RABEPK: variants seen among roughly 807,000 people sequenced by gnomAD.
RABEPK encodes the protein Rab9 effector protein with kelch motifs, also known as 40 kDa Rab9 effector protein.
RABEPK carries 27 observed loss-of-function variants against 34.1 expected under a neutral mutation model. The ratio of observed to expected loss-of-function variants is 0.79; its 90% CI spans 0.58 to 1.09. The LOEUF (loss-of-function observed/expected upper bound fraction) is 1.09, where lower values mean the gene tolerates loss of function less well. RABEPK is among the 50% of genes least tolerant of loss of function. RABEPK has a pLI of 0.00. For missense variants in RABEPK, 449 were observed against 462.6 expected, an observed-to-expected ratio of 0.97 and a Z score of 0.27; for synonymous variants, 172 against 169.2, an observed-to-expected ratio of 1.02 and a Z score of -0.13.
chr9:125,225,457 G>T (rs190945222), intron 5 of RABEPK, among the ~76,000 whole-genome samples: 12 of 152,034 alleles, frequency 7.9e-5, no homozygotes, highest in Non-Finnish European at 1.2e-4. Flanking sequence ...GCCCAGGGGG[G>T]TGGATCTCTT....
At chr9:125,229,233 G>A (rs1177127342) in intron 6 of RABEPK, among the ~76,000 whole-genome samples, 3 of 150,674 alleles carry the variant, frequency 2.0e-5, no homozygotes, top group Non-Finnish European at 2.9e-5. Flanking sequence ...CATCCTGGGC[G>A]ACACAGCAAG....
At position 125,226,750 on chromosome 9, in the gene RABEPK, G is replaced by C. The variant is rs189106348; in HGVS notation, c.527-1160G>C. On this transcript the variant is annotated intron_variant, in intron 5 of 7. Transcript: ENST00000373538. Reference sequence around the variant, plus strand: ...GTGGTGGCATGTGGCTGTAGTCCCAGCTACTCGGGAGGCTGAGGCAGGAGA... The same window carrying C: ...GTGGTGGCATGTGGCTGTAGTCCCACCTACTCGGGAGGCTGAGGCAGGAGA... Among the ~76,000 whole-genome samples, 896 of 152,072 alleles carry C rather than the reference G, an allele frequency of 5.9e-3. 6 individuals are homozygous for C. Among genetic ancestry groups the C allele is most frequent in the Middle Eastern group, 0.017 (5 of 294 alleles).
At position 125,218,474 on chromosome 9, in the gene RABEPK, G is replaced by C. The variant is rs144313690; in HGVS notation, c.365-2065G>C. Among the ~76,000 whole-genome samples the C allele has an allele frequency of 6.6e-5, 10 of 152,262 alleles. 2 individuals carry two copies. Among genetic ancestry groups the C allele is most frequent in the African/African-American group, 2.4e-4 (10 of 41,570 alleles). ...ATACTTCCGCTCACTTCCCAAGCTT[G>C]AGTGAAGACACCAGGGATGGCAGTG... On this transcript the variant is annotated intron_variant, in intron 4 of 7. Transcript: ENST00000373538.
At chr9:125,205,150 AG>A (rs1169589023) in intron 2 of RABEPK, among the ~76,000 whole-genome samples, 1 of 152,032 alleles carries the variant, frequency 6.6e-6, no homozygotes, top group Non-Finnish European at 1.5e-5. Context: ...CTCATACTTC[AG>A]ATCTCTCTCC....
chr9:125,210,544 C>T (rs1203465891), intron 3 of RABEPK, among the ~76,000 whole-genome samples: 1 of 151,200 alleles, frequency 6.6e-6, no homozygotes, highest in Non-Finnish European at 1.5e-5. Context: ...ATGGTGAAAC[C>T]CTGTCTCTAC....
chr9:125,232,628 G>A lies in RABEPK; in HGVS notation c.709G>A (p.Gly237Arg). The change falls in exon 7 of 8, where the codon GGG (glycine) becomes AGG (arginine). Residue 237 changes from glycine (G) to arginine (R), a missense_variant. Coordinates refer to ENST00000373538, the MANE Select transcript of RABEPK (RefSeq NM_005833.4). ...GAAATGGCAGAAGCTAAATCCCACTGGGGCTGCTCCAGCAGGCTGTGCTGC... is the reference window on the plus strand; with the variant it reads ...GAAATGGCAGAAGCTAAATCCCACTAGGGCTGCTCCAGCAGGCTGTGCTGC... ...DMKWQKLNPT[G>R]AAPAGCAAHS... 6.2e-7 allele frequency: 1 copy of A among 1,613,920 alleles called. No individual in the cohort carries two copies. The highest frequency in any genetic ancestry group is 8.5e-7 in the Non-Finnish European group (1 of 1,179,878).
chr9:125,218,277 G>A (rs537006410), intron 4 of RABEPK, among the ~76,000 whole-genome samples: 18 of 125,352 alleles, frequency 1.4e-4, no homozygotes, highest in African/African-American at 2.7e-4. Context: ...AGCCGAGATC[G>A]CGCCACTGCA....
At chr9:125,204,534 T>A (rs1035782041) in intron 2 of RABEPK, among the ~76,000 whole-genome samples, 4 of 151,662 alleles carry the variant, frequency 2.6e-5, no homozygotes, top group African/African-American at 7.3e-5. Context: ...CAAGCCGAGA[T>A]GGTGCCACTG....
intron 4 of RABEPK, among the ~76,000 whole-genome samples, chr9:125,217,046 G>A (rs1830977603): frequency 6.6e-6 from 1 of 152,112 alleles, no homozygotes; most frequent in South Asian, 2.1e-4. Context: ...AATTTGCTTG[G>A]AGGACTAGCA....
chr9:125,203,847 A>G (rs908518001), intron 2 of RABEPK, among the ~76,000 whole-genome samples: 1 of 151,264 alleles, frequency 6.6e-6, no homozygotes, highest in African/African-American at 2.4e-5. Flanking sequence ...AGCCTGACCA[A>G]TATGGTGAAA....
intron 5 of RABEPK, among the ~76,000 whole-genome samples, chr9:125,222,877 G>A (rs1315986514): frequency 6.6e-6 from 1 of 152,170 alleles, no homozygotes; most frequent in Non-Finnish European, 1.5e-5. Flanking sequence ...TCACTGCATT[G>A]CCAAGGCTGG....
chr9:125,212,816 C>T (rs574027238), intron 3 of RABEPK, among the ~76,000 whole-genome samples: 76 of 151,946 alleles, frequency 5.0e-4, no homozygotes, highest in Non-Finnish European at 8.4e-4. Flanking sequence ...ACTACAGGCA[C>T]GTGCCACTAT....
chr9:125,212,272 G>C (rs1050960296), intron 3 of RABEPK, among the ~76,000 whole-genome samples: 1 of 152,124 alleles, frequency 6.6e-6, no homozygotes, highest in African/African-American at 2.4e-5. Context: ...GTGTCACCCA[G>C]GCTGGAGCGC....
At chr9:125,231,824 G>A (rs10986660) in intron 6 of RABEPK, among the ~76,000 whole-genome samples, 9,576 of 151,764 alleles carry the variant, frequency 0.063, 378 homozygotes, top group East Asian at 0.15. Flanking sequence ...AATTTCATAG[G>A]GCTGTTATGA....
chr9:125,227,852 T>G, intron 5 of RABEPK, 58 bp from the exon 6 acceptor site: 1 of 1,468,718 alleles, frequency 6.8e-7, no homozygotes, highest in African/African-American at 1.4e-5. Context: ...TTGGGCCTGT[T>G]TCTCGTGTTC....
rs181454992 is a variant in RABEPK at position 125,216,999 on chromosome 9, T to G, written c.364+3477T>G. Among the ~76,000 whole-genome samples the G allele has an allele frequency of 1.6e-3, 235 of 148,428 alleles. 3 individuals are homozygous for G. Among genetic ancestry groups the G allele is most frequent in the African/African-American group, 5.6e-3 (227 of 40,250 alleles). On this transcript the variant is annotated intron_variant, in intron 4 of 7. Transcript: ENST00000373538. ...AAAAAAAAAGAAGAAAGTGATAGAG[T>G]AGACACTTGGCAGACCATTTGGCTA...
intron 5 of RABEPK, among the ~76,000 whole-genome samples, chr9:125,227,667 G>T (rs1831857753): frequency 6.6e-6 from 1 of 151,818 alleles, no homozygotes; most frequent in South Asian, 2.1e-4. Flanking sequence ...CTGACCTCAG[G>T]TGATCCACCT....
chr9:125,214,717 A>AT (rs1827134066), intron 4 of RABEPK, among the ~76,000 whole-genome samples: 1 of 150,510 alleles, frequency 6.6e-6, no homozygotes, highest in African/African-American at 2.4e-5. Flanking sequence ...ATTGTAAAAT[A>AT]TTTGAAAAGT....
At chr9:125,218,462 CTT>C (rs933766077) in intron 4 of RABEPK, among the ~76,000 whole-genome samples, 1 of 152,056 alleles carries the variant, frequency 6.6e-6, no homozygotes, top group African/African-American at 2.4e-5. Context: ...CTTCCGCTCA[CTT>C]CCCAAGCTTG....
Sources: gnomAD v4.1 joint callset for allele counts (sites outside exome capture counted in the v4.1 genomes callset) on GRCh38, gnomAD v4.1.1 for gene constraint, MANE v1.5 for transcripts, NCBI Gene and HGNC (gene_info 2026-07-23, HGNC 2026-07-21) for gene names.